Variants in DIS3L2 observed in about 807,000 individuals in gnomAD.
DIS3L2 encodes the protein DIS3 like 3'-5' exoribonuclease 2.
Under a neutral mutation model 97.5 loss-of-function variants are expected in DIS3L2, and 34 were observed. The ratio of observed to expected loss-of-function variants is 0.35; its 90% CI spans 0.27 to 0.46. DIS3L2 has a LOEUF of 0.46. Ranked by LOEUF, DIS3L2 falls within the 20% of genes least tolerant of loss-of-function variation. The pLI, the probability that DIS3L2 is intolerant of heterozygous loss-of-function variation, is 1.00. For missense variants in DIS3L2, 1,038 were observed against 1,146.0 expected, an observed-to-expected ratio of 0.91 and a Z score of 1.36; for synonymous variants, 435 against 445.2, an observed-to-expected ratio of 0.98 and a Z score of 0.29.
chr2:231,970,833 G>T (rs1692883169), intron 1 of DIS3L2, among the ~76,000 whole-genome samples: 2 of 146,200 alleles, frequency 1.4e-5, no homozygotes, highest in Admixed American at 1.4e-4. Context: ...TTTATATTTT[G>T]ATTCTTATAA....
intron 6 of DIS3L2, among the ~76,000 whole-genome samples, chr2:232,108,447 T>A (rs1487266326): frequency 2.0e-5 from 3 of 152,162 alleles, no homozygotes; most frequent in African/African-American, 7.2e-5. Context: ...CTGGAAGCAT[T>A]CTTCTTGAAA....
intron 11 of DIS3L2, among the ~76,000 whole-genome samples, chr2:232,244,911 C>G (rs1469912585): frequency 3.3e-5 from 5 of 152,124 alleles, no homozygotes; most frequent in Admixed American, 3.3e-4. Flanking sequence ...CACGGCCCAG[C>G]AGTTTTCTCT....
chr2:232,258,909 T>C (rs1693642385), intron 12 of DIS3L2, among the ~76,000 whole-genome samples: 2 of 152,226 alleles, frequency 1.3e-5, no homozygotes, highest in South Asian at 4.1e-4. Context: ...CAGACTCCTT[T>C]CTTTTCTGCT....
At chr2:232,109,462 T>A (rs1049017892) in intron 6 of DIS3L2, among the ~76,000 whole-genome samples, 7 of 149,806 alleles carry the variant, frequency 4.7e-5, no homozygotes, top group South Asian at 2.1e-4. Flanking sequence ...AATAAATAAA[T>A]AAAAAAAAAT....
Position 232,323,338 on chromosome 2 carries a change from G to A in DIS3L2, c.1740-6475G>A, listed in dbSNP as rs183978448. On this transcript the variant is annotated intron_variant, in intron 14 of 20. Transcript: ENST00000325385. Reference sequence around the variant, plus strand: ...CAAGGGCCTTCTGCACTGTCAGCCCGGCCCCAGCTCCCAGCAAGTCTCCTT... The same window carrying A: ...CAAGGGCCTTCTGCACTGTCAGCCCAGCCCCAGCTCCCAGCAAGTCTCCTT... Among the ~76,000 whole-genome samples, 7 of 152,330 alleles carry A rather than the reference G, an allele frequency of 4.6e-5. No homozygotes were observed. The East Asian group carries it at 1.2e-3, about 25-fold the overall frequency.
chr2:232,060,359 T>C (rs984917370), intron 5 of DIS3L2, among the ~76,000 whole-genome samples: 5 of 152,154 alleles, frequency 3.3e-5, no homozygotes, highest in Admixed American at 6.5e-5. Flanking sequence ...AGTAGTTTAA[T>C]AGTTTGAGGT....
intron 9 of DIS3L2, among the ~76,000 whole-genome samples, chr2:232,190,588 GA>G (rs1442956075): frequency 1.3e-5 from 2 of 151,696 alleles, no homozygotes; most frequent in Admixed American, 1.3e-4. Context: ...AGAAGAGAGA[GA>G]GAGGAAGAGA....
At chr2:232,138,915 TAG>T (rs1698433662) in intron 8 of DIS3L2, among the ~76,000 whole-genome samples, 1 of 152,218 alleles carries the variant, frequency 6.6e-6, no homozygotes, top group Non-Finnish European at 1.5e-5. Flanking sequence ...TCCTCTTCTG[TAG>T]TTACATTTAG....
At chr2:232,283,553 G>A (rs1356010962) in intron 13 of DIS3L2, among the ~76,000 whole-genome samples, 1 of 152,096 alleles carries the variant, frequency 6.6e-6, no homozygotes, top group Non-Finnish European at 1.5e-5. Context: ...GAGCGACTGG[G>A]CCAGGACTAG....
chr2:232,037,715 A>G lies in DIS3L2; in HGVS notation c.366+7635A>G, dbSNP rs997152366. ...CTGAGGGTTGTGAAGACTGTGGGAA[A>G]AGCATAATATCTGGGCCAGAGTGCA... On this transcript the variant is annotated intron_variant, in intron 5 of 20. Transcript: ENST00000325385. The surrounding 1 kb of genome is among the most constrained non-coding windows in gnomAD (Gnocchi z 4.6). 6.6e-6 allele frequency among the ~76,000 whole-genome samples: 1 copy of G among 152,168 alleles called. No homozygotes were observed. Among genetic ancestry groups the G allele is most frequent in the Non-Finnish European group, 1.5e-5 (1 of 68,012 alleles).
Position 232,120,887 on chromosome 2 carries a change from A to T in DIS3L2, c.602-9732A>T, listed in dbSNP as rs372903111. ...ACCCTTCCCCTGGGTTCTGGATCAC[A>T]TCCCTTCCTGTCCAGGGACCCCTCC... On this transcript the variant is annotated intron_variant, in intron 6 of 20. Transcript: ENST00000325385. 5.3e-5 allele frequency among the ~76,000 whole-genome samples: 8 copies of T among 152,054 alleles called. No homozygotes were observed. The East Asian group carries it at 5.8e-4, about 11-fold the overall frequency.
intron 5 of DIS3L2, among the ~76,000 whole-genome samples, chr2:232,074,715 G>A (rs1181074496): frequency 6.6e-6 from 1 of 151,836 alleles, no homozygotes; most frequent in African/African-American, 2.4e-5. Flanking sequence ...CTCCCGAGTA[G>A]CTGGGACCAC....
intron 6 of DIS3L2, among the ~76,000 whole-genome samples, chr2:232,104,303 C>G (rs962282640): frequency 6.6e-5 from 10 of 152,126 alleles, no homozygotes; most frequent in African/African-American, 2.4e-4. Context: ...CCTACCTGTT[C>G]TCTTTTCCTG....
chr2:232,197,965 AT>A (rs1323808655), intron 9 of DIS3L2, among the ~76,000 whole-genome samples: 2 of 150,414 alleles, frequency 1.3e-5, no homozygotes, highest in East Asian at 3.9e-4. Context: ...ACTCCATCTC[AT>A]TAAAAAAAAA....
chr2:232,343,309 C>T (rs780221009), intron 13 of DIS3L2: 21 of 1,522,844 alleles, frequency 1.4e-5, no homozygotes, highest in East Asian at 4.8e-5. Flanking sequence ...CATGAAACCG[C>T]GCCTCCTCAT....
At chr2:232,032,672 T>G (rs1185545493) in intron 5 of DIS3L2, among the ~76,000 whole-genome samples, 3 of 151,916 alleles carry the variant, frequency 2.0e-5, no homozygotes, top group Admixed American at 6.6e-5. Context: ...TTGAGTTAAT[T>G]TTTGTATAAG....
chr2:232,333,761 G>GA, intron 16 of DIS3L2, 79 bp from the exon 17 acceptor site: 1 of 1,443,690 alleles, frequency 6.9e-7, no homozygotes, highest in Non-Finnish European at 9.1e-7. Context: ...CCGACGGTGA[G>GA]GCTGTGGGTG....
At chr2:232,073,151 G>A (rs1007483894) in intron 5 of DIS3L2, among the ~76,000 whole-genome samples, 1 of 152,164 alleles carries the variant, frequency 6.6e-6, no homozygotes, top group African/African-American at 2.4e-5. Flanking sequence ...GCTTCAAGGT[G>A]TTTCCTGAAC....
intron 9 of DIS3L2, among the ~76,000 whole-genome samples, chr2:232,174,516 G>A (rs1432627124): frequency 1.3e-5 from 2 of 149,176 alleles, no homozygotes; most frequent in African/African-American, 4.9e-5. Flanking sequence ...AACCTGGGAG[G>A]TGGAGGCAGC....
Sources: gnomAD v4.1 joint callset for allele counts (sites outside exome capture counted in the v4.1 genomes callset) on GRCh38, gnomAD v4.1.1 for gene constraint, Gnocchi (gnomAD v3.1) non-coding constraint, MANE v1.5 for transcripts, NCBI Gene and HGNC (gene_info 2026-07-23, HGNC 2026-07-21) for gene names.